The following PTPRD variants were observed in gnomAD, a reference collection of about 807,000 sequenced individuals.
PTPRD encodes receptor-type tyrosine-protein phosphatase delta.
Under a neutral mutation model 214.5 loss-of-function variants are expected in PTPRD, and 34 were observed. The ratio of observed to expected loss-of-function variants is 0.16; its 90% confidence interval spans 0.12 to 0.21. The LOEUF (loss-of-function observed/expected upper bound fraction) is 0.21, where lower values mean the gene tolerates loss of function less well. Among genes scored for constraint, PTPRD ranks in the 10% least tolerant of loss-of-function variants. The pLI is 1.00. For synonymous variants in PTPRD, 1,128 were observed against 845.7 expected, an observed-to-expected ratio of 1.33 and a Z score of -5.79; for missense variants, 2,545 against 2,398.7, an observed-to-expected ratio of 1.06 and a Z score of -1.27.
intron 5 of PTPRD, among the ~76,000 whole-genome samples, chr9:9,794,344 C>T (rs2098987984): frequency 6.6e-6 from 1 of 151,740 alleles, no homozygotes; most frequent in South Asian, 2.1e-4. Context: ...TTAAAGGATG[C>T]TTAGATTTTT....
At chr9:9,471,916 T>G (rs1012379508) in intron 8 of PTPRD, among the ~76,000 whole-genome samples, 2 of 152,114 alleles carry the variant, frequency 1.3e-5, no homozygotes, top group Non-Finnish European at 2.9e-5. Context: ...TTTTAATGAT[T>G]TTTTTAACTA....
chr9:10,028,707 G>T (rs543121614), intron 4 of PTPRD, among the ~76,000 whole-genome samples: 3 of 152,286 alleles, frequency 2.0e-5, no homozygotes, highest in South Asian at 4.1e-4. Context: ...TCTGGCGGAA[G>T]AAATTTCTAA....
At chr9:9,348,573 CA>C (rs1596181179) in intron 9 of PTPRD, among the ~76,000 whole-genome samples, 1 of 152,082 alleles carries the variant, frequency 6.6e-6, no homozygotes, top group East Asian at 1.9e-4. Flanking sequence ...GTGGGAAAAG[CA>C]CATGTTTTCT....
In PTPRD at chr9:8,549,449, A is replaced by G. The variant is rs964394784; in HGVS notation, c.353-20670T>C. 3.3e-5 allele frequency among the ~76,000 whole-genome samples: 5 copies of G among 152,234 alleles called. 1 individual carries two copies. Among genetic ancestry groups the G allele is most frequent in the African/African-American group, 1.2e-4 (5 of 41,458 alleles). Reference sequence around the variant, plus strand: ...ATGCAGATGGATGAGATGACCCAGCAAAGAATTTACAGTGAGAAGAGTATG... The same window carrying G: ...ATGCAGATGGATGAGATGACCCAGCGAAGAATTTACAGTGAGAAGAGTATG... On this transcript the variant is annotated intron_variant, in intron 14 of 45. Coordinates refer to ENST00000381196, the MANE Select transcript of PTPRD (RefSeq NM_002839.4).
chr9:9,219,428 A>C (rs1032669969), intron 9 of PTPRD, among the ~76,000 whole-genome samples: 1 of 151,968 alleles, frequency 6.6e-6, no homozygotes, highest in Non-Finnish European at 1.5e-5. Context: ...TAAAAAAAAA[A>C]ACATTATAGC....
chr9:10,490,466 T>C (rs1288475634), intron 2 of PTPRD, among the ~76,000 whole-genome samples: 1 of 152,176 alleles, frequency 6.6e-6, no homozygotes, highest in African/African-American at 2.4e-5. Context: ...ACCATTCTAT[T>C]ACATGCCCTA....
intron 34 of PTPRD, among the ~76,000 whole-genome samples, chr9:8,446,816 A>G (rs2095748264): frequency 6.6e-6 from 1 of 152,234 alleles, no homozygotes; most frequent in African/African-American, 2.4e-5. Context: ...TCATTATCCA[A>G]GAAAACCCTT....
At chr9:9,041,361 T>C (rs1038841047) in intron 10 of PTPRD, among the ~76,000 whole-genome samples, 3 of 152,096 alleles carry the variant, frequency 2.0e-5, no homozygotes, top group Non-Finnish European at 4.4e-5. Context: ...CCTCTGCCTC[T>C]TTCCACCCTC....
intron 3 of PTPRD, among the ~76,000 whole-genome samples, chr9:10,171,186 T>C (rs1157869227): frequency 3.9e-5 from 6 of 152,322 alleles, no homozygotes; most frequent in African/African-American, 1.2e-4. Context: ...ACTTCTTAAA[T>C]ACTCATTTTA....
Position 8,527,340 on chromosome 9 carries a change from C to T in PTPRD, c.550+5G>A. On this transcript the variant is annotated splice_donor_5th_base_variant and intron_variant, in intron 16 of 45. Coordinates refer to ENST00000381196, the MANE Select transcript of PTPRD (RefSeq NM_002839.4). ...TTGAAGTGCGCTTCAGAACTAAGCA[C>T]TTACCAATAGATTCTGGAGATTTAA... 1.2e-6 allele frequency: 2 copies of T among 1,607,098 alleles called. No homozygotes were observed. Among genetic ancestry groups the T allele is most frequent in the Non-Finnish European group, 1.7e-6 (2 of 1,176,670 alleles).
chr9:9,860,993 G>A (rs1176380258), intron 5 of PTPRD, among the ~76,000 whole-genome samples: 1 of 152,048 alleles, frequency 6.6e-6, no homozygotes, highest in Non-Finnish European at 1.5e-5. Flanking sequence ...CAGAACTGTT[G>A]GAAAAATAGA....
chr9:10,116,060 T>C (rs929877684), intron 3 of PTPRD, among the ~76,000 whole-genome samples: 2 of 152,134 alleles, frequency 1.3e-5, no homozygotes, highest in African/African-American at 4.8e-5. Context: ...CCTGTCTTCA[T>C]GTTTGTATTT....
chr9:9,609,303 G>T (rs2094381339), intron 7 of PTPRD, among the ~76,000 whole-genome samples: 2 of 151,974 alleles, frequency 1.3e-5, no homozygotes, highest in African/African-American at 4.8e-5. Context: ...TCAGTCTGAG[G>T]TTGTTTCTAT....
intron 2 of PTPRD, among the ~76,000 whole-genome samples, chr9:10,568,498 G>A (rs985317868): frequency 2.0e-5 from 3 of 151,938 alleles, no homozygotes; most frequent in African/African-American, 7.3e-5. Flanking sequence ...GGGATGGCTG[G>A]GTCAAATGGT....
chr9:9,299,159 C>A (rs556347871), intron 9 of PTPRD, among the ~76,000 whole-genome samples: 42 of 151,780 alleles, frequency 2.8e-4, no homozygotes, highest in African/African-American at 9.4e-4. Context: ...AATAGAATAG[C>A]AAATTGATTG....
Position 10,054,854 on chromosome 9 carries a change from T to C in PTPRD, c.-544-21064A>G, listed in dbSNP as rs540418474. The stretch of plus-strand genomic sequence containing the variant: ...TTATAAACTGAATGTTTTTGTCCCC[T>C]CAAAATCCATATGTTGAAGTCCTCA... On this transcript the variant is annotated intron_variant, in intron 3 of 45. Coordinates refer to ENST00000381196, the MANE Select transcript of PTPRD (RefSeq NM_002839.4). Among the ~76,000 whole-genome samples, 12 of 152,226 alleles carry C rather than the reference T, an allele frequency of 7.9e-5. No individual in the cohort carries two copies. The East Asian group carries it at 2.3e-3, about 29-fold the overall frequency.
chr9:9,759,553 G>GTTTTTTTTTTTTTTTTT (rs1597016286), intron 6 of PTPRD, among the ~76,000 whole-genome samples: 1 of 130,754 alleles, frequency 7.6e-6, no homozygotes, highest in East Asian at 3.6e-4. Flanking sequence ...GTCAAGGTCT[G>GTTTTTTTTTTTTTTTTT]TCTTTTTTTT....
Position 8,922,031 on chromosome 9 carries a change from T to C in PTPRD, c.-104+96666A>G, listed in dbSNP as rs1567015308. The stretch of plus-strand genomic sequence containing the variant: ...CTTCACAAAGGAGAAGTTATTACGC[T>C]AGTGAGAAGGGATTAGTGGTTAACA... On this transcript the variant is annotated intron_variant, in intron 11 of 45. Transcript: ENST00000381196. 1.3e-5 allele frequency among the ~76,000 whole-genome samples: 2 copies of C among 150,486 alleles called. 1 individual carries two copies. Among genetic ancestry groups the C allele is most frequent in the South Asian group, 4.2e-4 (2 of 4,716 alleles).
intron 10 of PTPRD, among the ~76,000 whole-genome samples, chr9:9,127,961 T>A (rs926418161): frequency 1.3e-5 from 2 of 152,196 alleles, no homozygotes; most frequent in African/African-American, 4.8e-5. Flanking sequence ...GTCCTCCTAC[T>A]TCTTTTGCCT....
Sources: gnomAD v4.1 joint callset for allele counts (sites outside exome capture counted in the v4.1 genomes callset) on GRCh38, gnomAD v4.1.1 for gene constraint, MANE v1.5 for transcripts, NCBI Gene and HGNC (gene_info 2026-07-23, HGNC 2026-07-21) for gene names.